The following PDZD8 variants were observed in gnomAD, a reference collection of about 807,000 sequenced individuals.
PDZD8 encodes the protein PDZ domain-containing protein 8.
In PDZD8, 14 loss-of-function variants were observed where a neutral mutation model predicts 85.8. The observed-to-expected ratio is 0.16, with a 90% CI of 0.11 to 0.26. PDZD8 has a LOEUF of 0.26. Ranked by LOEUF, PDZD8 falls within the 10% of genes least tolerant of loss-of-function variation. The probability of loss-of-function intolerance (pLI) is 1.00; values close to 1 mark genes in which losing one functional copy is unlikely to be tolerated. For synonymous variants in PDZD8, 592 were observed against 568.6 expected (o/e 1.04, Z -0.59); for missense variants, 1,197 against 1,424.3 (o/e 0.84, Z 2.57).
At chr10:117,288,067 ACT>A (rs1168009503) in intron 4 of PDZD8, among the ~76,000 whole-genome samples, 1 of 151,964 alleles carries the variant, frequency 6.6e-6, no homozygotes, top group Non-Finnish European at 1.5e-5. Flanking sequence ...GGCCATTGCA[ACT>A]CTCTCTCAGG....
rs1327759087 is a variant in PDZD8 at position 117,285,106 on chromosome 10, G to C, written c.1627C>G (p.Arg543Gly). 1 of 1,613,802 alleles carries C rather than the reference G, an allele frequency of 6.2e-7. No homozygotes were observed. The highest frequency in any genetic ancestry group is 8.5e-7 in the Non-Finnish European group (1 of 1,179,870). Reference sequence around the variant, plus strand: ...GGGTGACTTCCTACAGCTAATTTACGGTTTAAAACTGGTGATATAGCTCCA... The same window carrying C: ...GGGTGACTTCCTACAGCTAATTTACCGTTTAAAACTGGTGATATAGCTCCA... ...PLGAISPVLN[R>G]KLAVGSHPLP... Residue 543 changes from arginine (R) to glycine (G), a missense_variant, in exon 5 of 5, where the codon CGT (arginine) becomes GGT (glycine). Physicochemically the swap from Arg to Gly is moderately radical, Grantham distance 125. Coordinates refer to ENST00000334464, the MANE Select transcript of PDZD8 (RefSeq NM_173791.5).
At chr10:117,305,438 A>C (rs1179456003) in intron 3 of PDZD8, among the ~76,000 whole-genome samples, 2 of 28,662 alleles carry the variant, frequency 7.0e-5, no homozygotes, top group Non-Finnish European at 2.9e-4. Context: ...AACAAACAAA[A>C]TACACACACA....
intron 3 of PDZD8, chr10:117,314,339 A>C (rs1323508871): frequency 6.6e-6 from 1 of 152,198 alleles, no homozygotes; most frequent in Non-Finnish European, 1.5e-5. Flanking sequence ...AATACCACTC[A>C]ATTCAAACAG....
At chr10:117,319,521 T>C (rs572611252) in intron 2 of PDZD8, among the ~76,000 whole-genome samples, 9 of 151,964 alleles carry the variant, frequency 5.9e-5, no homozygotes, top group East Asian at 1.9e-4. Flanking sequence ...TGGGCAAAAA[T>C]AGTACTTACC....
chr10:117,312,223 C>T (rs780650386), intron 3 of PDZD8, among the ~76,000 whole-genome samples: 2 of 151,964 alleles, frequency 1.3e-5, no homozygotes, highest in East Asian at 1.9e-4. Flanking sequence ...TGCACATGTA[C>T]CATGGCTGTG....
rs1390586176 is a variant in PDZD8, at chr10:117,285,488, A to G, written c.1262-17T>C. On this transcript the variant is annotated splice_polypyrimidine_tract_variant and intron_variant, in intron 4 of 4. Coordinates refer to ENST00000334464, the MANE Select transcript of PDZD8 (RefSeq NM_173791.5). Reference sequence around the variant, plus strand: ...TTTTCACACCTGGTTTAAGATTTTAAAAGGGAAAACATGTAAATTATTGCA... The same window carrying G: ...TTTTCACACCTGGTTTAAGATTTTAGAAGGGAAAACATGTAAATTATTGCA... The G allele has an allele frequency of 2.6e-6, 4 of 1,547,828 alleles. No individual in the cohort carries two copies. In the African/African-American group the frequency reaches 5.5e-5, roughly 21 times the overall value.
Position 117,374,712 on chromosome 10 carries a change from C to A in PDZD8, c.516G>T (p.Gly172=). Residue 172 remains glycine, a synonymous_variant, in exon 1 of 5, where the codon GGG becomes GGT. Coordinates refer to ENST00000334464, the MANE Select transcript of PDZD8 (RefSeq NM_173791.5). The surrounding 1 kb of genome is among the most constrained non-coding windows in gnomAD (Gnocchi z 7.8). ...CCTCCCCTTCAGGGCCATCGGGCTC[C>A]CCGGTGGCCGAGGGCACGACTGGCC... is the stretch of plus-strand genomic sequence containing the variant. ...LVRPVVPSAT[G]EPDGPEGEAL... 1 of 1,607,490 alleles carries A rather than the reference C, an allele frequency of 6.2e-7. No homozygotes were observed.
At chr10:117,361,012 T>C (rs1844987393) in intron 1 of PDZD8, among the ~76,000 whole-genome samples, 1 of 152,218 alleles carries the variant, frequency 6.6e-6, no homozygotes, top group Non-Finnish European at 1.5e-5. Flanking sequence ...CATAAGAATA[T>C]ATAAAGCTCA....
chr10:117,356,904 C>A, intron 1 of PDZD8, among the ~76,000 whole-genome samples: 1 of 152,052 alleles, frequency 6.6e-6, no homozygotes, highest in East Asian at 1.9e-4. Context: ...AATCTTTTAT[C>A]TTTCAAAAAA....
rs545233280 is a variant in PDZD8 at position 117,285,090 on chromosome 10, C to A, written c.1643G>T (p.Gly548Val). 1.2e-6 allele frequency: 2 copies of A among 1,613,930 alleles called. No homozygotes were observed. The highest frequency in any genetic ancestry group is 1.1e-5 in the South Asian group (1 of 91,078). ...SPVLNRKLAV[G>V]SHPLPPKIQS... ...AATTTTCGGTGGTAGTGGGTGACTT[C>A]CTACAGCTAATTTACGGTTTAAAAC... Residue 548 changes from glycine (G) to valine (V), a missense_variant, in exon 5 of 5, where the codon GGA becomes GTA. Coordinates refer to ENST00000334464, the MANE Select transcript of PDZD8 (RefSeq NM_173791.5).
Position 117,341,005 on chromosome 10 carries a change from T to G in PDZD8, c.970A>C (p.Lys324Gln). 6.2e-7 allele frequency: 1 copy of G among 1,614,134 alleles called. No individual in the cohort carries two copies. The highest frequency in any genetic ancestry group is 1.6e-4 in the Middle Eastern group (1 of 6,062). The part of the protein sequence containing the change: ...QQWALTEGRL[K>Q]VTLLECSRLL... ...CTGCTACATTCTAACAACGTAACTTTAAGACGGCCTTCAGTAAGTGCCCAT... is the reference window on the plus strand; with the variant it reads ...CTGCTACATTCTAACAACGTAACTTGAAGACGGCCTTCAGTAAGTGCCCAT... The change falls in exon 2 of 5, where the codon AAA becomes CAA. Residue 324 changes from lysine (K) to glutamine (Q), a missense_variant. By Grantham distance (53) the Lys-to-Gln change is moderately conservative (BLOSUM62 1). This residue lies in a region of PDZD8 where 344 missense variants were observed against 453.6 expected (regional missense o/e 0.76). Coordinates refer to ENST00000334464, the MANE Select transcript of PDZD8 (RefSeq NM_173791.5).
chr10:117,314,058 A>C (rs1265359282), intron 3 of PDZD8: 1 of 152,192 alleles, frequency 6.6e-6, no homozygotes, highest in Non-Finnish European at 1.5e-5. Flanking sequence ...ACAAGTAGAG[A>C]TCTTATAGTC....
intron 1 of PDZD8, among the ~76,000 whole-genome samples, chr10:117,352,312 G>A (rs538924080): frequency 1.3e-5 from 2 of 152,184 alleles, no homozygotes; most frequent in South Asian, 4.1e-4. Flanking sequence ...TCTTGCTCAA[G>A]TGATAAATCT....
intron 3 of PDZD8, 26 bp downstream of exon 3, chr10:117,318,846 T>TATAAA: frequency 6.8e-7 from 1 of 1,462,128 alleles, no homozygotes; most frequent in Non-Finnish European, 9.6e-7. Context: ...TTTATATAGA[T>TATAAA]ATAAATCACT....
At chr10:117,336,729 C>T (rs1844521849) in intron 2 of PDZD8, among the ~76,000 whole-genome samples, 1 of 151,220 alleles carries the variant, frequency 6.6e-6, no homozygotes, top group African/African-American at 2.4e-5. Flanking sequence ...AATTTAGACA[C>T]CAAAATAATT....
At chr10:117,305,439 TAC>T (rs58859667) in intron 3 of PDZD8, among the ~76,000 whole-genome samples, 131,401 of 146,092 alleles carry the variant, frequency 0.9, 59,796 homozygotes, top group South Asian at 0.97. Context: ...ACAAACAAAA[TAC>T]ACACACACAC....
At chr10:117,358,374 G>A (rs908681405) in intron 1 of PDZD8, among the ~76,000 whole-genome samples, 1 of 152,022 alleles carries the variant, frequency 6.6e-6, no homozygotes, top group Non-Finnish European at 1.5e-5. Flanking sequence ...TGGTGCAAAC[G>A]TAATTGCGGG....
At chr10:117,329,945 C>T (rs1402925944) in intron 2 of PDZD8, among the ~76,000 whole-genome samples, 1 of 130,918 alleles carries the variant, frequency 7.6e-6, no homozygotes, top group African/African-American at 2.9e-5. Context: ...GACCCTGTCT[C>T]AAGAAAGGAA....
At chr10:117,359,676 A>C (rs1447086672) in intron 1 of PDZD8, among the ~76,000 whole-genome samples, 2 of 152,108 alleles carry the variant, frequency 1.3e-5, no homozygotes, top group East Asian at 3.9e-4. Context: ...GCACCACTAC[A>C]CTCCAACCTG....
Sources: gnomAD v4.1 joint callset for allele counts (sites outside exome capture counted in the v4.1 genomes callset) on GRCh38, gnomAD v4.1.1 for gene constraint, gnomAD v4.1.1 regional missense constraint, Gnocchi (gnomAD v3.1) non-coding constraint, MANE v1.5 for transcripts, NCBI Gene and HGNC (gene_info 2026-07-23, HGNC 2026-07-21) for gene names.